AUNIP: variants seen among roughly 807,000 people sequenced by gnomAD.
AUNIP encodes the protein aurora kinase A- and ninein-interacting protein.
A neutral mutation model predicts 12.2 loss-of-function variants in AUNIP; 16 were observed. That is an observed-to-expected ratio of 1.31 (90% CI 0.88 to 1.99). AUNIP has a LOEUF of 1.99. Ranked by LOEUF, AUNIP falls within the 30% of genes most tolerant of loss-of-function variation. The pLI is 0.00. For missense variants in AUNIP, 411 were observed against 419.1 expected (o/e 0.98, Z 0.17); for synonymous variants, 142 against 154.8 (o/e 0.92, Z 0.61).
At chr1:25,852,521 C>T (rs2048431368) in intron 1 of AUNIP, among the ~76,000 whole-genome samples, 1 of 147,168 alleles carries the variant, frequency 6.8e-6, no homozygotes, top group South Asian at 2.1e-4. Flanking sequence ...TTCACTGCAA[C>T]CTCCGCCTCC....
intron 1 of AUNIP, among the ~76,000 whole-genome samples, chr1:25,848,464 A>C (rs2048399990): frequency 9.3e-6 from 1 of 107,134 alleles, no homozygotes; most frequent in East Asian, 2.0e-4. Context: ...CCCGGGCAAA[A>C]ATTTTTGAAA....
intron 1 of AUNIP, among the ~76,000 whole-genome samples, chr1:25,853,686 C>A (rs1321162387): frequency 6.6e-6 from 1 of 152,170 alleles, no homozygotes; most frequent in African/African-American, 2.4e-5. Context: ...GGCTCAGGGT[C>A]TCTCATGAGG....
At chr1:25,835,990 A>G (rs778765647) in intron 2 of AUNIP, 144 bp from the exon 3 acceptor site, 4 of 1,285,752 alleles carry the variant, frequency 3.1e-6, no homozygotes, top group South Asian at 1.6e-5. Context: ...TTTGTAGCCA[A>G]TCTTCCTGTT....
chr1:25,859,437 A>T lies in AUNIP; in HGVS notation c.-80T>A, dbSNP rs139437657. On this transcript the variant is annotated 5_prime_UTR_variant, in exon 1 of 3. Transcript: ENST00000374298. ...GGGAACGCCAGAACCGCGGCCGCCGACGTTCGGATCTCGCGCCAACGCTGG... is the reference window on the plus strand; with the variant it reads ...GGGAACGCCAGAACCGCGGCCGCCGTCGTTCGGATCTCGCGCCAACGCTGG... The T allele has an allele frequency of 1.1e-4, 144 of 1,312,218 alleles. No individual in the cohort carries two copies. The African/African-American group carries it at 1.9e-3, about 18-fold the overall frequency. 81.3% of individuals were successfully genotyped at this position (1,312,218 alleles called of 1,614,324 possible). A position where few individuals can be genotyped will look rare whatever the true frequency, so the allele number is the denominator to read the frequency against.
intron 1 of AUNIP, among the ~76,000 whole-genome samples, chr1:25,856,650 G>A (rs946380277): frequency 6.6e-6 from 1 of 152,030 alleles, no homozygotes; most frequent in African/African-American, 2.4e-5. Flanking sequence ...ACTCCAGCCC[G>A]GGCAACAAGA....
intron 1 of AUNIP, among the ~76,000 whole-genome samples, chr1:25,849,776 G>A (rs1156719530): frequency 1.3e-5 from 2 of 152,152 alleles, no homozygotes; most frequent in African/African-American, 2.4e-5. Context: ...TGGAATTACA[G>A]GTGCCTGCCA....
Position 25,834,047 on chromosome 1 carries a change from G to T in AUNIP, c.*946C>A. 1 of 985,238 alleles carries T rather than the reference G, an allele frequency of 1.0e-6. No homozygotes were observed. Among genetic ancestry groups the T allele is most frequent in the South Asian group, 4.7e-5 (1 of 21,282 alleles). The allele number at this position is 985,238 out of a possible 1,614,324, so 61.0% of individuals were successfully genotyped here. On this transcript the variant is annotated 3_prime_UTR_variant, in exon 3 of 3. Transcript: ENST00000374298. ...ATTTGGATTCATAGTTTTACAAAGG[G>T]GATTCCCTCCTATCTTGTGGGAAAA...
chr1:25,833,940 C>T (rs1455187165), downstream of AUNIP: 1 of 809,164 alleles, frequency 1.2e-6, no homozygotes, highest in Non-Finnish European at 1.5e-6. Context: ...ACAGCATATA[C>T]TATTACAGTG....
intron 1 of AUNIP, among the ~76,000 whole-genome samples, chr1:25,841,664 C>T (rs2048348312): frequency 6.6e-6 from 1 of 152,062 alleles, no homozygotes; most frequent in South Asian, 2.1e-4. Flanking sequence ...GCTGGGACTA[C>T]AGGTGCTGGC....
At chr1:25,838,177 G>A (rs1198353746) in intron 1 of AUNIP, among the ~76,000 whole-genome samples, 1 of 151,624 alleles carries the variant, frequency 6.6e-6, no homozygotes, top group African/African-American at 2.4e-5. Flanking sequence ...GGTGTCAAAT[G>A]ACAATAATAG....
chr1:25,834,957 A>G lies in AUNIP; in HGVS notation c.*36T>C, dbSNP rs761217364. 7 of 1,573,300 alleles carry G rather than the reference A, an allele frequency of 4.4e-6. No homozygotes were observed. Among genetic ancestry groups the G allele is most frequent in the Non-Finnish European group, 6.0e-6 (7 of 1,161,282 alleles). On this transcript the variant is annotated 3_prime_UTR_variant, in exon 3 of 3. Transcript: ENST00000374298. ...AACTATATTTTCCTACATCTCTATC[A>G]TTTCAAGGTACTTTTAGAAACAAAG...
At chr1:25,832,570 A>T (rs1484859587), downstream of AUNIP, 4 of 192,944 alleles carry the variant, frequency 2.1e-5, no homozygotes, top group East Asian at 3.4e-4. Flanking sequence ...TGTAGAGGTC[A>T]GGCTGCTGAA....
At position 25,834,909 on chromosome 1, in the gene AUNIP, A is replaced by G; in HGVS notation, c.*84T>C. 3.9e-6 allele frequency: 6 copies of G among 1,527,888 alleles called. No homozygotes were observed. The highest frequency in any genetic ancestry group is 5.2e-6 in the Non-Finnish European group (6 of 1,143,146). 94.6% of individuals were successfully genotyped at this position (1,527,888 alleles called of 1,614,324 possible). On this transcript the variant is annotated 3_prime_UTR_variant, in exon 3 of 3. Coordinates refer to ENST00000374298, the MANE Select transcript of AUNIP (RefSeq NM_024037.3). ...CCCATGCCACCTTCCCACCTAAACA[A>G]ACTCACTCCTCTCTCCACCCACAAC...
In AUNIP at chr1:25,841,179, G is replaced by T. The variant is rs2048345139; in HGVS notation, c.79-3625C>A. 2.0e-5 allele frequency among the ~76,000 whole-genome samples: 3 copies of T among 152,178 alleles called. No individual in the cohort carries two copies. The South Asian group carries it at 6.2e-4, about 31-fold the overall frequency. On this transcript the variant is annotated intron_variant, in intron 1 of 2. Transcript: ENST00000374298. ...CTCTTAGAAGACCCATGGCTTCAAGGATCTACCTCTATCTCAGTGGACTGT... is the reference window on the plus strand; with the variant it reads ...CTCTTAGAAGACCCATGGCTTCAAGTATCTACCTCTATCTCAGTGGACTGT...
chr1:25,836,756 A>G (rs2048306252), intron 2 of AUNIP, among the ~76,000 whole-genome samples: 2 of 152,180 alleles, frequency 1.3e-5, no homozygotes, highest in Admixed American at 1.3e-4. Flanking sequence ...CCTTACATAA[A>G]GCAAAAGAGT....
At chr1:25,848,542 G>A (rs1010532775) in intron 1 of AUNIP, among the ~76,000 whole-genome samples, 1 of 150,284 alleles carries the variant, frequency 6.7e-6, no homozygotes, top group African/African-American at 2.5e-5. Context: ...CAGCTCCTGA[G>A]AGATAATCTC....
intron 1 of AUNIP, among the ~76,000 whole-genome samples, chr1:25,856,006 C>T (rs184061999): frequency 2.0e-5 from 3 of 152,276 alleles, no homozygotes; most frequent in Admixed American, 2.0e-4. Context: ...TCATGTACTA[C>T]ATCAACAAGA....
chr1:25,833,119 CTT>C (rs2048268372), downstream of AUNIP, among the ~76,000 whole-genome samples: 1 of 151,974 alleles, frequency 6.6e-6, no homozygotes, highest in Admixed American at 6.6e-5. Flanking sequence ...GCCCTATACT[CTT>C]TTTCTTTTTT....
chr1:25,851,073 G>A (rs2048421272), intron 1 of AUNIP, among the ~76,000 whole-genome samples: 1 of 152,128 alleles, frequency 6.6e-6, no homozygotes, highest in South Asian at 2.1e-4. Context: ...GGTCTGTTGA[G>A]TGTTTTAATC....
Sources: gnomAD v4.1 joint callset for allele counts (sites outside exome capture counted in the v4.1 genomes callset) on GRCh38, gnomAD v4.1.1 for gene constraint, MANE v1.5 for transcripts, NCBI Gene and HGNC (gene_info 2026-07-23, HGNC 2026-07-21) for gene names.